The following MPP7 variants were observed in gnomAD, a reference collection of about 807,000 sequenced individuals.
MPP7 encodes MAGUK p55 scaffold protein 7.
A neutral mutation model predicts 76.5 loss-of-function variants in MPP7; 60 were observed. That is an observed-to-expected ratio of 0.78 (90% CI 0.64 to 0.97). The LOEUF is 0.97. Among genes scored for constraint, MPP7 ranks in the 50% least tolerant of loss-of-function variants. The probability of loss-of-function intolerance (pLI) is 0.00; values close to 1 mark genes in which losing one functional copy is unlikely to be tolerated. For missense variants in MPP7, 641 were observed against 694.0 expected (o/e 0.92, Z 0.86); for synonymous variants, 237 against 244.5 (o/e 0.97, Z 0.29).
At chr10:28,098,665 C>T (rs993493287) in intron 11 of MPP7, among the ~76,000 whole-genome samples, 6 of 151,814 alleles carry the variant, frequency 4.0e-5, no homozygotes, top group African/African-American at 1.2e-4. Flanking sequence ...TATATCAGCA[C>T]GTAACACAAA....
chr10:28,238,388 T>C (rs914293005), intron 2 of MPP7, among the ~76,000 whole-genome samples, 180 bp downstream of exon 2: 1 of 152,154 alleles, frequency 6.6e-6, no homozygotes, highest in African/African-American at 2.4e-5. Context: ...AGGCAATGAG[T>C]CCATGTCCTC....
intron 1 of MPP7, among the ~76,000 whole-genome samples, chr10:28,248,780 A>T (rs976710448): frequency 5.3e-5 from 8 of 152,236 alleles, no homozygotes; most frequent in African/African-American, 1.4e-4. Context: ...TATCCAGTGC[A>T]GTCACCTACT....
chr10:28,054,283 G>A, intron 16 of MPP7, 39 bp from the exon 17 acceptor site: 1 of 1,226,224 alleles, frequency 8.2e-7, no homozygotes. Flanking sequence ...TGGTTAACCA[G>A]GCCATTACCT....
chr10:28,120,533 T>A, intron 9 of MPP7, 61 bp downstream of exon 9: 1 of 1,538,622 alleles, frequency 6.5e-7, no homozygotes, highest in Non-Finnish European at 9.0e-7. Context: ...TGGATATGTG[T>A]TGGATGGAAA....
intron 12 of MPP7, among the ~76,000 whole-genome samples, chr10:28,087,271 G>T (rs534914791): frequency 1.3e-5 from 2 of 152,098 alleles, no homozygotes; most frequent in Non-Finnish European, 2.9e-5. Flanking sequence ...TGAGGCCCTC[G>T]CCAGATGCCC....
At chr10:28,181,608 G>C (rs891832675) in intron 3 of MPP7, among the ~76,000 whole-genome samples, 2 of 152,234 alleles carry the variant, frequency 1.3e-5, no homozygotes, top group African/African-American at 4.8e-5. Flanking sequence ...GGGCAAGACA[G>C]AGCCTGGAAG....
intron 2 of MPP7, among the ~76,000 whole-genome samples, chr10:28,233,483 G>A (rs1328122355): frequency 6.6e-6 from 1 of 151,872 alleles, no homozygotes; most frequent in Non-Finnish European, 1.5e-5. Flanking sequence ...CGAGGCAGGC[G>A]GAATCACAAG....
intron 13 of MPP7, among the ~76,000 whole-genome samples, chr10:28,063,667 T>C (rs1252153402): frequency 6.6e-6 from 1 of 152,028 alleles, no homozygotes; most frequent in Non-Finnish European, 1.5e-5. Flanking sequence ...AACCGAATTG[T>C]GGACTGCACG....
chr10:28,272,914 T>G (rs990844098), intron 1 of MPP7, among the ~76,000 whole-genome samples: 3 of 152,044 alleles, frequency 2.0e-5, no homozygotes, highest in Admixed American at 1.3e-4. Context: ...GGTTTGTTTT[T>G]TTTGTTTGTT....
intron 3 of MPP7, among the ~76,000 whole-genome samples, chr10:28,182,705 A>G (rs1348072498): frequency 6.6e-6 from 1 of 152,250 alleles, no homozygotes; most frequent in African/African-American, 2.4e-5. Flanking sequence ...AATGCCATAG[A>G]TAGCAATGTA....
At chr10:28,324,161 T>C (rs556120227) in intron 2 of MPP7, among the ~76,000 whole-genome samples, 32 of 152,222 alleles carry the variant, frequency 2.1e-4, no homozygotes, top group African/African-American at 7.5e-4. Flanking sequence ...GACTAGGTCA[T>C]GAAGGTTCTG....
intron 3 of MPP7, among the ~76,000 whole-genome samples, chr10:28,171,932 T>G (rs1836695148): frequency 6.6e-6 from 1 of 152,182 alleles, no homozygotes. Flanking sequence ...CCGAGCTTCT[T>G]TCCATCTAAG....
At chr10:28,191,407 T>G (rs770243290) in intron 3 of MPP7, among the ~76,000 whole-genome samples, 24 of 152,182 alleles carry the variant, frequency 1.6e-4, no homozygotes, top group Non-Finnish European at 2.8e-4. Context: ...TATTAATAAG[T>G]TGAACCCAGC....
intron 1 of MPP7, among the ~76,000 whole-genome samples, chr10:28,273,637 G>A (rs974781257): frequency 1.3e-5 from 2 of 152,174 alleles, no homozygotes; most frequent in Non-Finnish European, 2.9e-5. Context: ...AGGAATTTAA[G>A]TCTTCTGCTA....
At chr10:28,094,897 G>A (rs1436441214) in intron 11 of MPP7, among the ~76,000 whole-genome samples, 1 of 152,148 alleles carries the variant, frequency 6.6e-6, no homozygotes, top group Non-Finnish European at 1.5e-5. Context: ...GGAGGTTGCA[G>A]TGAGCCAACA....
intron 2 of MPP7, among the ~76,000 whole-genome samples, chr10:28,232,909 T>G (rs1268619763): frequency 6.6e-6 from 1 of 152,226 alleles, no homozygotes; most frequent in Non-Finnish European, 1.5e-5. Flanking sequence ...ACTCTACTTA[T>G]AAAGGTTTTT....
At chr10:28,144,039 C>T (rs913708991) in intron 5 of MPP7, among the ~76,000 whole-genome samples, 3 of 152,100 alleles carry the variant, frequency 2.0e-5, no homozygotes, top group Admixed American at 1.3e-4. Context: ...CACCTGCCAC[C>T]GCCACCATAC....
chr10:28,086,876 G>A (rs1206878200), intron 12 of MPP7, among the ~76,000 whole-genome samples: 7 of 152,134 alleles, frequency 4.6e-5, no homozygotes, highest in African/African-American at 1.7e-4. Context: ...AACAACCTAG[G>A]GACTCTGAAA....
intron 12 of MPP7, among the ~76,000 whole-genome samples, chr10:28,081,764 TTC>T (rs779592898): frequency 5.0e-4 from 72 of 143,544 alleles, no homozygotes; most frequent in Non-Finnish European, 9.4e-4. Flanking sequence ...CAAAAAATTA[TTC>T]TCTTTTTTTT....
Sources: gnomAD v4.1 joint callset for allele counts (sites outside exome capture counted in the v4.1 genomes callset) on GRCh38, gnomAD v4.1.1 for gene constraint, MANE v1.5 for transcripts, NCBI Gene and HGNC (gene_info 2026-07-23, HGNC 2026-07-21) for gene names.